The following AGBL4 variants were observed in gnomAD, a reference collection of about 807,000 sequenced individuals.
AGBL4 encodes cytosolic carboxypeptidase 6.
Under a neutral mutation model 66.4 loss-of-function variants are expected in AGBL4, and 58 were observed. The ratio of observed to expected loss-of-function variants is 0.87; its 90% confidence interval spans 0.71 to 1.09. The LOEUF is 1.09. Among genes scored for constraint, AGBL4 ranks in the 50% least tolerant of loss-of-function variants. The pLI is 0.00. For synonymous variants in AGBL4, 234 were observed against 222.9 expected (o/e 1.05, Z -0.44); for missense variants, 579 against 631.0 (o/e 0.92, Z 0.88).
chr1:49,899,844 C>A (rs1449181171), intron 1 of AGBL4, among the ~76,000 whole-genome samples: 2 of 152,100 alleles, frequency 1.3e-5, no homozygotes, highest in East Asian at 3.9e-4. Flanking sequence ...AGCTCCAGAC[C>A]AGCCTGTCCA....
chr1:49,406,926 G>C (rs763459230), intron 3 of AGBL4, among the ~76,000 whole-genome samples: 3 of 151,746 alleles, frequency 2.0e-5, no homozygotes, highest in African/African-American at 7.3e-5. Context: ...TTAGCCAGGC[G>C]TGGTGGCGGG....
At chr1:49,251,809 G>A (rs778615730) in intron 3 of AGBL4, among the ~76,000 whole-genome samples, 18 of 152,154 alleles carry the variant, frequency 1.2e-4, no homozygotes, top group Non-Finnish European at 1.9e-4. Context: ...CAGGAGTTGG[G>A]AGCTGAGTGG....
Position 49,935,770 on chromosome 1 carries a change from G to A in AGBL4, c.35-84252C>T, listed in dbSNP as rs947145301. ...AGCAAACTCCAACAGACCTGCAGCT[G>A]AGGGTCCTGTCTGTTAGATGGAAAA... is the stretch of plus-strand genomic sequence containing the variant. On this transcript the variant is annotated intron_variant, in intron 1 of 13. Coordinates refer to ENST00000371839, the MANE Select transcript of AGBL4 (RefSeq NM_032785.4). Among the ~76,000 whole-genome samples the A allele has an allele frequency of 2.0e-5, 3 of 152,308 alleles. No homozygotes were observed. The South Asian group carries it at 6.2e-4, about 32-fold the overall frequency.
chr1:49,099,204 T>C (rs145515880), intron 4 of AGBL4, among the ~76,000 whole-genome samples: 94 of 152,266 alleles, frequency 6.2e-4, no homozygotes, highest in African/African-American at 2.2e-3. Flanking sequence ...GCTGGGCTCA[T>C]TTCAACAAAA....
intron 3 of AGBL4, among the ~76,000 whole-genome samples, chr1:49,644,974 A>G (rs570551904): frequency 6.6e-6 from 1 of 151,756 alleles, no homozygotes; most frequent in South Asian, 2.1e-4. Context: ...ATAGAAAAAT[A>G]TAAGTAAAAT....
At chr1:49,796,691 A>G (rs1377117903) in intron 2 of AGBL4, among the ~76,000 whole-genome samples, 2 of 151,764 alleles carry the variant, frequency 1.3e-5, no homozygotes, top group Non-Finnish European at 2.9e-5. Flanking sequence ...AAAAATAAAT[A>G]TGCAGGTTAT....
intron 3 of AGBL4, among the ~76,000 whole-genome samples, chr1:49,625,753 A>G (rs183647891): frequency 1.7e-4 from 26 of 152,274 alleles, no homozygotes; most frequent in Admixed American, 3.3e-4. Flanking sequence ...TTGCCTGAAG[A>G]CTACCACATT....
chr1:49,980,525 T>C (rs1429271154), intron 1 of AGBL4, among the ~76,000 whole-genome samples: 4 of 152,206 alleles, frequency 2.6e-5, no homozygotes, highest in Non-Finnish European at 5.9e-5. Context: ...TACAGTATTG[T>C]CTTTTTGTGA....
chr1:49,213,556 C>T (rs1324286659), intron 4 of AGBL4, among the ~76,000 whole-genome samples: 1 of 152,086 alleles, frequency 6.6e-6, no homozygotes, highest in Non-Finnish European at 1.5e-5. Context: ...TTGCCTACTG[C>T]CATGATTACA....
At chr1:49,563,265 T>A (rs944496190) in intron 3 of AGBL4, among the ~76,000 whole-genome samples, 2 of 152,192 alleles carry the variant, frequency 1.3e-5, no homozygotes, top group Middle Eastern at 3.4e-3. Flanking sequence ...GAGGGACAAT[T>A]TGACTTCCTC....
At chr1:49,272,983 C>G (rs993511164) in intron 3 of AGBL4, among the ~76,000 whole-genome samples, 1 of 152,122 alleles carries the variant, frequency 6.6e-6, no homozygotes, top group African/African-American at 2.4e-5. Context: ...ACTGTCTCTA[C>G]TAGATGTTTT....
At chr1:49,704,727 T>C (rs866564203) in intron 2 of AGBL4, among the ~76,000 whole-genome samples, 3 of 152,164 alleles carry the variant, frequency 2.0e-5, no homozygotes, top group African/African-American at 7.2e-5. Flanking sequence ...TTGTCAAAGA[T>C]CAGATGGTTG....
At chr1:48,813,802 C>A (rs1441424058) in intron 6 of AGBL4, among the ~76,000 whole-genome samples, 1 of 150,596 alleles carries the variant, frequency 6.6e-6, no homozygotes, top group African/African-American at 2.4e-5. Flanking sequence ...GACTTCTTTG[C>A]TCCTTCTCTT....
chr1:49,484,284 A>G (rs752902088), intron 3 of AGBL4, among the ~76,000 whole-genome samples: 3 of 152,072 alleles, frequency 2.0e-5, no homozygotes, highest in Non-Finnish European at 2.9e-5. Flanking sequence ...CATACTGAAG[A>G]GATATCTGAA....
intron 3 of AGBL4, among the ~76,000 whole-genome samples, chr1:49,547,835 A>G (rs535743943): frequency 1.0e-4 from 15 of 150,674 alleles, no homozygotes; most frequent in Non-Finnish European, 1.8e-4. Flanking sequence ...GTGCAGTGCC[A>G]TGATCTCAGA....
At chr1:48,858,195 A>T (rs527695397) in intron 6 of AGBL4, among the ~76,000 whole-genome samples, 1 of 152,208 alleles carries the variant, frequency 6.6e-6, no homozygotes, top group Non-Finnish European at 1.5e-5. Flanking sequence ...GTCAGAGAGG[A>T]TGTGGAGAAA....
In AGBL4 at chr1:48,883,537, C is replaced by A. The variant is rs138562169; in HGVS notation, c.595-16307G>T. Among the ~76,000 whole-genome samples, 151 of 152,320 alleles carry A rather than the reference C, an allele frequency of 9.9e-4. 1 individual carries two copies. Among genetic ancestry groups the A allele is most frequent in the Middle Eastern group, 3.4e-3 (1 of 294 alleles). ...TTTCTTTGACTCTCCGTCCCCACTG[C>A]GGATTGGTTTAGATGCCATTTTTTA... is the stretch of plus-strand genomic sequence containing the variant. On this transcript the variant is annotated intron_variant, in intron 5 of 13. Transcript: ENST00000371839.
chr1:48,548,566 A>G (rs1644201677), intron 11 of AGBL4, among the ~76,000 whole-genome samples: 1 of 152,148 alleles, frequency 6.6e-6, no homozygotes, highest in Non-Finnish European at 1.5e-5. Flanking sequence ...CAAGCCTCAC[A>G]CACATCCTCC....
chr1:49,729,832 C>T (rs1192933853), intron 2 of AGBL4, among the ~76,000 whole-genome samples: 1 of 152,104 alleles, frequency 6.6e-6, no homozygotes, highest in African/African-American at 2.4e-5. Flanking sequence ...AGACAGACAG[C>T]AGCGACCCAT....
Sources: gnomAD v4.1 joint callset for allele counts (sites outside exome capture counted in the v4.1 genomes callset) on GRCh38, gnomAD v4.1.1 for gene constraint, MANE v1.5 for transcripts, NCBI Gene and HGNC (gene_info 2026-07-23, HGNC 2026-07-21) for gene names.